FAM107A: variants seen among roughly 807,000 people sequenced by gnomAD.
FAM107A encodes family with sequence similarity 107 member A.
In FAM107A, 19 loss-of-function variants were observed where a neutral mutation model predicts 13.7. The ratio of observed to expected loss-of-function variants is 1.38; its 90% CI spans 0.97 to 2.03. The LOEUF (loss-of-function observed/expected upper bound fraction) is 2.03. FAM107A is among the 30% of genes most tolerant of loss of function. The pLI, the probability that FAM107A is intolerant of heterozygous loss-of-function variation, is 0.00. For missense variants in FAM107A, 203 were observed against 184.4 expected (o/e 1.10, Z -0.58); for synonymous variants, 82 against 74.5 (o/e 1.10, Z -0.52).
At chr3:58,601,566 A>G (rs1246621235) in intron 1 of FAM107A, among the ~76,000 whole-genome samples, 1 of 152,202 alleles carries the variant, frequency 6.6e-6, no homozygotes, top group Non-Finnish European at 1.5e-5. Flanking sequence ...AGTGGTTGCC[A>G]TATATTTTGC....
In FAM107A at chr3:58,613,491, C is replaced by G. The variant is rs1367740662; in HGVS notation, c.-70+13925G>C. ...GTACTCACCCCTCATCCTGCCCTGCCCAGCCCCTGCCTGCTGCTCTGGCCT... is the reference window on the plus strand; with the variant it reads ...GTACTCACCCCTCATCCTGCCCTGCGCAGCCCCTGCCTGCTGCTCTGGCCT... On this transcript the variant is annotated intron_variant, in intron 1 of 3. Coordinates refer to the FAM107A transcript ENST00000465970. This position sits in a 1 kb window ranked among gnomAD's most constrained non-coding sequence, Gnocchi z 4.6. Among the ~76,000 whole-genome samples, 1 of 152,196 alleles carries G rather than the reference C, an allele frequency of 6.6e-6. No homozygotes were observed. Among genetic ancestry groups the G allele is most frequent in the Non-Finnish European group, 1.5e-5 (1 of 68,036 alleles).
At chr3:58,576,002 C>T (rs915194758) in intron 1 of FAM107A, among the ~76,000 whole-genome samples, 3 of 152,232 alleles carry the variant, frequency 2.0e-5, no homozygotes, top group Non-Finnish European at 2.9e-5. Context: ...TTCAAAATAA[C>T]GACTGGCAAA....
upstream of FAM107A, among the ~76,000 whole-genome samples, chr3:58,591,954 C>A (rs2065657604): frequency 2.0e-5 from 3 of 152,234 alleles, no homozygotes; most frequent in South Asian, 6.2e-4. The surrounding 1 kb of genome is among the most constrained non-coding windows in gnomAD (Gnocchi z 4.3). Flanking sequence ...GTGGGTAATT[C>A]CCCAGAGAGT....
At chr3:58,573,659 CT>C (rs971341638) in intron 1 of FAM107A, 1 of 152,494 alleles carries the variant, frequency 6.6e-6, no homozygotes, top group African/African-American at 2.4e-5. Context: ...AGGTAAGTGG[CT>C]TGTTTGTATT....
intron 1 of FAM107A, among the ~76,000 whole-genome samples, chr3:58,570,583 C>CAGAGAGAGAGAGAGAGAG (rs371909507): frequency 2.6e-4 from 24 of 91,054 alleles, no homozygotes; most frequent in Non-Finnish European, 3.9e-4. Flanking sequence ...GCAAATACAG[C>CAGAGAGAGAGAGAGAGAG]AGAGAGAGAG....
intron 1 of FAM107A, among the ~76,000 whole-genome samples, chr3:58,585,372 A>T (rs2065594324): frequency 6.6e-6 from 1 of 152,238 alleles, no homozygotes. Flanking sequence ...CCGCCTCAGC[A>T]AGATTTCAGA....
chr3:58,612,978 G>C (rs2065868492), intron 1 of FAM107A, among the ~76,000 whole-genome samples: 1 of 152,046 alleles, frequency 6.6e-6, no homozygotes, highest in South Asian at 2.1e-4. Flanking sequence ...CACGCTGCAG[G>C]AATTGACGGC....
intron 1 of FAM107A, among the ~76,000 whole-genome samples, chr3:58,574,675 C>A (rs553948087): frequency 6.6e-6 from 1 of 152,272 alleles, no homozygotes; most frequent in South Asian, 2.1e-4. Context: ...TATAGGATGG[C>A]AAATAATTCT....
chr3:58,585,542 G>C (rs1458850133), intron 1 of FAM107A, among the ~76,000 whole-genome samples: 1 of 152,370 alleles, frequency 6.6e-6, no homozygotes, highest in African/African-American at 2.4e-5. Context: ...CGGGGCGCGG[G>C]GACAGGCACC....
intron 1 of FAM107A, among the ~76,000 whole-genome samples, chr3:58,570,583 C>CAGAG (rs371909507): frequency 0.038 from 3,453 of 90,418 alleles, 98 homozygotes; most frequent in Non-Finnish European, 0.054. Flanking sequence ...GCAAATACAG[C>CAGAG]AGAGAGAGAG....
exon 1 of FAM107A, chr3:58,586,988 A>G (rs2065614049): frequency 5.4e-6 from 8 of 1,486,396 alleles, no homozygotes; most frequent in East Asian, 2.7e-5. Context: ...GCGAGCGCAC[A>G]GCAGGAGCGT....
At chr3:58,577,611 T>A (rs1197209141), upstream of FAM107A, 1 of 985,276 alleles carries the variant, frequency 1.0e-6, no homozygotes. This position sits in a 1 kb window ranked among gnomAD's most constrained non-coding sequence, Gnocchi z 4.9. Context: ...AATACCCATT[T>A]TGTCAGATTG....
intron 1 of FAM107A, among the ~76,000 whole-genome samples, chr3:58,622,851 C>T (rs2065969776): frequency 6.6e-6 from 1 of 152,164 alleles, no homozygotes; most frequent in South Asian, 2.1e-4. Context: ...TGTCCTTGAG[C>T]CTCCCACTCT....
At chr3:58,602,751 T>C (rs1423368385) in intron 1 of FAM107A, among the ~76,000 whole-genome samples, 2 of 152,240 alleles carry the variant, frequency 1.3e-5, no homozygotes, top group African/African-American at 4.8e-5. Context: ...CTTTATGTAT[T>C]CAGTCTTACA....
chr3:58,584,724 C>T (rs1348032496), intron 1 of FAM107A, among the ~76,000 whole-genome samples: 1 of 152,152 alleles, frequency 6.6e-6, no homozygotes, highest in East Asian at 1.9e-4. Flanking sequence ...AATATCCTCT[C>T]CATTTACATA....
At chr3:58,592,951 C>G (rs2065666021) in intron 1 of FAM107A, among the ~76,000 whole-genome samples, 2 of 152,230 alleles carry the variant, frequency 1.3e-5, no homozygotes, top group South Asian at 4.1e-4. Context: ...CTAATCTTCT[C>G]TTGCATACTC....
upstream of FAM107A, among the ~76,000 whole-genome samples, chr3:58,579,841 G>A (rs1483730777): frequency 2.6e-5 from 4 of 152,198 alleles, no homozygotes; most frequent in African/African-American, 9.7e-5. Flanking sequence ...GGGCAGTTGG[G>A]AGTCACTGTG....
intron 3 of FAM107A, 181 bp from the exon 4 acceptor site, chr3:58,566,876 C>G (rs2063627098): frequency 1.6e-6 from 1 of 614,796 alleles, no homozygotes; most frequent in Admixed American, 2.9e-5. Flanking sequence ...CCTTGTGCAG[C>G]CTGGTTCAAA....
At chr3:58,582,132 G>A (rs1420057511), upstream of FAM107A, among the ~76,000 whole-genome samples, 1 of 152,262 alleles carries the variant, frequency 6.6e-6, no homozygotes, top group Non-Finnish European at 1.5e-5. Context: ...GTTGCTAGAT[G>A]TACCAAATAA....
Sources: allele counts gnomAD v4.1 joint callset (sites outside exome capture counted in the v4.1 genomes callset), GRCh38; gene constraint gnomAD v4.1.1; non-coding constraint Gnocchi (gnomAD v3.1); transcripts MANE v1.5; gene names NCBI Gene and HGNC (gene_info 2026-07-23, HGNC 2026-07-21).